The following SMYD3 variants were observed in gnomAD, a reference collection of about 807,000 sequenced individuals.
SMYD3 encodes SET and MYND domain containing 3, also known as histone-lysine N-methyltransferase SMYD3.
SMYD3 carries 36 observed loss-of-function variants against 57.7 expected under a neutral mutation model. The observed-to-expected ratio is 0.62, with a 90% CI of 0.48 to 0.82. The LOEUF is 0.82. Among genes scored for constraint, SMYD3 ranks in the 40% least tolerant of loss-of-function variants. The pLI, the probability that SMYD3 is intolerant of heterozygous loss-of-function variation, is 0.00. For synonymous variants in SMYD3, 211 were observed against 195.0 expected, an observed-to-expected ratio of 1.08 and a Z score of -0.68; for missense variants, 515 against 538.8, an observed-to-expected ratio of 0.96 and a Z score of 0.44.
chr1:246,445,463 T>C (rs1264977510), intron 1 of SMYD3, among the ~76,000 whole-genome samples: 1 of 152,206 alleles, frequency 6.6e-6, no homozygotes, highest in Non-Finnish European at 1.5e-5. Flanking sequence ...AGGTAGAACA[T>C]AAGAATTTGT....
At chr1:245,988,000 T>G (rs2058736628) in intron 5 of SMYD3, among the ~76,000 whole-genome samples, 1 of 152,210 alleles carries the variant, frequency 6.6e-6, no homozygotes. Context: ...TATAATGCTC[T>G]GCTGGGTTTG....
At chr1:246,018,124 G>A (rs1033475546) in intron 5 of SMYD3, among the ~76,000 whole-genome samples, 16 of 152,094 alleles carry the variant, frequency 1.1e-4, no homozygotes, top group Non-Finnish European at 4.4e-5. Context: ...CCTCTCAGTG[G>A]ACACAGCCGG....
chr1:246,234,451 G>C (rs2063480795), intron 5 of SMYD3, among the ~76,000 whole-genome samples: 1 of 151,566 alleles, frequency 6.6e-6, no homozygotes, highest in Non-Finnish European at 1.5e-5. Flanking sequence ...ATGCAGAGAA[G>C]TACTCCTTCC....
intron 5 of SMYD3, among the ~76,000 whole-genome samples, chr1:246,034,103 A>AT (rs1432835031): frequency 8.5e-5 from 13 of 152,236 alleles, no homozygotes; most frequent in African/African-American, 3.1e-4. Context: ...GTTCTTGGCA[A>AT]TAACAGAAGC....
At chr1:246,052,263 C>T (rs1259648962) in intron 5 of SMYD3, among the ~76,000 whole-genome samples, 1 of 152,182 alleles carries the variant, frequency 6.6e-6, no homozygotes, top group East Asian at 1.9e-4. Context: ...CATTCTTAGA[C>T]CTCCTCAGAG....
In SMYD3 at chr1:245,915,313, TCCTTA is replaced by T. The variant is rs1442105858; in HGVS notation, c.813+212_813+216del. On this transcript the variant is annotated intron_variant, in intron 8 of 11. Coordinates refer to ENST00000490107, the MANE Select transcript of SMYD3 (RefSeq NM_001167740.2). ...CCCACTTGACTCTAAACTCCACAGA[TCCTTA>T]CCTTTGGTTAAATCGGTTAAATCTC... 2.6e-5 allele frequency among the ~76,000 whole-genome samples: 4 copies of T among 152,292 alleles called. No individual in the cohort carries two copies. The South Asian group carries it at 8.3e-4, about 32-fold the overall frequency.
At chr1:246,420,102 G>C (rs1402953572) in intron 1 of SMYD3, among the ~76,000 whole-genome samples, 5 of 152,102 alleles carry the variant, frequency 3.3e-5, no homozygotes, top group Non-Finnish European at 7.3e-5. Flanking sequence ...GGGAGGGTGA[G>C]GCAGAAGAAT....
rs1148712 is a variant in SMYD3, at chr1:246,301,332, A to G, written c.531+25869T>C. ...CAAGAATGTTCAATTCTCGTGCAGGAGCCAAGACAAACCAATAAGTAACTG... is the reference window on the plus strand; with the variant it reads ...CAAGAATGTTCAATTCTCGTGCAGGGGCCAAGACAAACCAATAAGTAACTG... On this transcript the variant is annotated intron_variant, in intron 5 of 11. Coordinates refer to ENST00000490107, the MANE Select transcript of SMYD3 (RefSeq NM_001167740.2). Among the ~76,000 whole-genome samples the G allele has an allele frequency of 1.8e-3, 269 of 152,290 alleles. 1 individual carries two copies. The highest frequency in any genetic ancestry group is 6.3e-3 in the African/African-American group (260 of 41,566).
chr1:246,323,920 G>C (rs542634172), intron 5 of SMYD3, among the ~76,000 whole-genome samples: 25 of 151,700 alleles, frequency 1.6e-4, no homozygotes, highest in African/African-American at 3.4e-4. Context: ...TGTGTGAACT[G>C]TAAGTATTAA....
intron 5 of SMYD3, among the ~76,000 whole-genome samples, chr1:246,299,822 T>C (rs1358774170): frequency 1.3e-5 from 2 of 151,372 alleles, no homozygotes; most frequent in African/African-American, 2.4e-5. Context: ...CAACAGACAC[T>C]GGGGCGCACT....
chr1:245,901,292 A>G (rs1352474887), intron 8 of SMYD3, among the ~76,000 whole-genome samples: 2 of 152,288 alleles, frequency 1.3e-5, no homozygotes, highest in East Asian at 3.9e-4. Context: ...TCACTTCCTA[A>G]TTTACTTATA....
chr1:246,426,620 A>T lies in SMYD3; in HGVS notation c.165-71526T>A, dbSNP rs544537470. Among the ~76,000 whole-genome samples, 103 of 152,284 alleles carry T rather than the reference A, an allele frequency of 6.8e-4. 1 individual carries two copies. The highest frequency in any genetic ancestry group is 2.5e-3 in the African/African-American group (102 of 41,554). On this transcript the variant is annotated intron_variant, in intron 1 of 11. Coordinates refer to ENST00000490107, the MANE Select transcript of SMYD3 (RefSeq NM_001167740.2). ...AGGGTTTTTTTAAGTAAAATGTCAT[A>T]TGAGCTGCAGATAGAAATCATTTTC...
At chr1:246,487,322 C>T (rs947622869) in intron 1 of SMYD3, among the ~76,000 whole-genome samples, 1 of 151,998 alleles carries the variant, frequency 6.6e-6, no homozygotes, top group Non-Finnish European at 1.5e-5. Context: ...TGGTGCGCAC[C>T]TGTAATCCCA....
intron 5 of SMYD3, among the ~76,000 whole-genome samples, chr1:246,168,558 C>T (rs1455885965): frequency 6.6e-6 from 1 of 152,226 alleles, no homozygotes; most frequent in Non-Finnish European, 1.5e-5. Context: ...CCTGCCCCAT[C>T]ACACATTCCT....
At chr1:246,305,800 ATTATC>A (rs1193529079) in intron 5 of SMYD3, 2 of 152,204 alleles carry the variant, frequency 1.3e-5, no homozygotes, top group African/African-American at 2.4e-5. Context: ...ATTTTCAGTC[ATTATC>A]TTATCTTAAT....
intron 1 of SMYD3, among the ~76,000 whole-genome samples, chr1:246,358,617 C>A (rs563032514): frequency 6.6e-6 from 1 of 152,156 alleles, no homozygotes; most frequent in Admixed American, 6.5e-5. Context: ...CAAGTACTCT[C>A]TCAGACCACA....
intron 5 of SMYD3, among the ~76,000 whole-genome samples, chr1:246,231,621 A>G (rs895800891): frequency 6.6e-6 from 1 of 152,216 alleles, no homozygotes; most frequent in African/African-American, 2.4e-5. Context: ...TAACATCACG[A>G]AACATTTCAT....
At chr1:245,953,156 T>C (rs768655120) in intron 5 of SMYD3, 26 of 851,770 alleles carry the variant, frequency 3.1e-5, no homozygotes, top group Admixed American at 1.9e-4. Flanking sequence ...CAAAGAGGAA[T>C]TGAAGCTAGT....
chr1:245,762,200 T>C (rs1214081902), intron 11 of SMYD3, among the ~76,000 whole-genome samples: 3 of 152,228 alleles, frequency 2.0e-5, no homozygotes, highest in Non-Finnish European at 4.4e-5. Context: ...TCTCCAAACC[T>C]GAGCGCCTTC....
Sources: allele counts gnomAD v4.1 joint callset (sites outside exome capture counted in the v4.1 genomes callset), GRCh38; gene constraint gnomAD v4.1.1; transcripts MANE v1.5; gene names NCBI Gene and HGNC (gene_info 2026-07-23, HGNC 2026-07-21).